The following ULK4 variants were observed in gnomAD, a reference collection of about 807,000 sequenced individuals.
ULK4 encodes unc-51 like kinase 4, also known as inactive serine/threonine-protein kinase ULK4.
ULK4 carries 133 observed loss-of-function variants against 160.6 expected under a neutral mutation model. The observed-to-expected ratio is 0.83, with a 90% CI of 0.72 to 0.96. The LOEUF is 0.96. Among genes scored for constraint, ULK4 ranks in the 40% least tolerant of loss-of-function variants. The probability of loss-of-function intolerance (pLI) is 0.00; values close to 1 mark genes in which losing one functional copy is unlikely to be tolerated. For missense variants in ULK4, 1,580 were observed against 1,499.5 expected, an observed-to-expected ratio of 1.05 and a Z score of -0.89; for synonymous variants, 534 against 539.8, an observed-to-expected ratio of 0.99 and a Z score of 0.15.
intron 18 of ULK4, among the ~76,000 whole-genome samples, chr3:41,829,184 A>G (rs1235398344): frequency 8.0e-5 from 12 of 150,238 alleles, no homozygotes; most frequent in Non-Finnish European, 1.3e-4. Context: ...ACCTAAAACC[A>G]TAAAAACCCT....
chr3:41,924,302 G>A (rs948186971), intron 5 of ULK4, among the ~76,000 whole-genome samples: 1 of 152,072 alleles, frequency 6.6e-6, no homozygotes, highest in African/African-American at 2.4e-5. Context: ...AACAGAAGTG[G>A]TTTTACACTC....
chr3:41,509,929 G>C (rs2085512366), intron 32 of ULK4, among the ~76,000 whole-genome samples: 1 of 152,008 alleles, frequency 6.6e-6, no homozygotes, highest in South Asian at 2.1e-4. Flanking sequence ...AAAGAAACAA[G>C]GCATTCAGGC....
intron 22 of ULK4, among the ~76,000 whole-genome samples, chr3:41,728,109 G>A (rs2093367713): frequency 6.6e-6 from 1 of 152,172 alleles, no homozygotes; most frequent in South Asian, 2.1e-4. Context: ...GTTGGTATGT[G>A]AGTGTGAGTT....
chr3:41,344,185 A>G lies in ULK4; in HGVS notation c.3678+53894T>C, dbSNP rs529797789. Among the ~76,000 whole-genome samples, 14 of 152,304 alleles carry G rather than the reference A, an allele frequency of 9.2e-5. No homozygotes were observed. In the South Asian group the frequency reaches 2.9e-3, roughly 32 times the overall value. ...AAAACAAGACCACACACCTACAACC[A>G]TTTGATCTTCGACAAACTTGACAAA... On this transcript the variant is annotated intron_variant, in intron 35 of 36. Transcript: ENST00000301831.
At chr3:41,915,183 C>A (rs1435818137) in intron 8 of ULK4, among the ~76,000 whole-genome samples, 1 of 152,018 alleles carries the variant, frequency 6.6e-6, no homozygotes, top group Non-Finnish European at 1.5e-5. Flanking sequence ...GAAAAATTAT[C>A]CACCAAAATA....
At position 41,959,004 on chromosome 3, in the gene ULK4, G is replaced by A. The variant is rs142038628; in HGVS notation, c.-49+3012C>T. 2.0e-4 allele frequency among the ~76,000 whole-genome samples: 30 copies of A among 152,278 alleles called. No individual in the cohort carries two copies. The East Asian group carries it at 4.4e-3, about 23-fold the overall frequency. ...GCAATTTGGGAGGCCAAGGCAGGTA[G>A]GTCACCTGAAGTCAGGAGTTCAAGA... On this transcript the variant is annotated intron_variant, in intron 1 of 36. Transcript: ENST00000301831.
intron 35 of ULK4, among the ~76,000 whole-genome samples, chr3:41,363,554 G>A (rs2081190381): frequency 6.6e-6 from 1 of 152,168 alleles, no homozygotes; most frequent in East Asian, 1.9e-4. Context: ...GTACATTCTA[G>A]TTCACCCAAC....
intron 13 of ULK4, among the ~76,000 whole-genome samples, 166 bp from the exon 14 acceptor site, chr3:41,898,658 C>T (rs1698250183): frequency 6.6e-6 from 1 of 152,142 alleles, no homozygotes; most frequent in South Asian, 2.1e-4. Context: ...TTAAAACACA[C>T]AAATATAGAT....
In ULK4 at chr3:41,705,090, C is replaced by G; in HGVS notation, c.2748G>C (p.Gln916His). 1 of 1,613,728 alleles carries G rather than the reference C, an allele frequency of 6.2e-7. No homozygotes were observed. The highest frequency in any genetic ancestry group is 8.5e-7 in the Non-Finnish European group (1 of 1,179,914). ...ITLSAFEAII[Q>H]YPILLKDYRS... ...GATAGTCTTTCAATAAAATAGGATA[C>G]TGTATTATTGCTTCAAAAGCTGACA... Residue 916 changes from glutamine (Q) to histidine (H), a missense_variant, in exon 27 of 37, where the codon CAG becomes CAC. By Grantham distance (24) the Gln-to-His change is conservative. Transcript: ENST00000301831.
At chr3:41,465,857 A>G (rs974133021) in intron 32 of ULK4, among the ~76,000 whole-genome samples, 2 of 152,188 alleles carry the variant, frequency 1.3e-5, no homozygotes, top group Non-Finnish European at 2.9e-5. Flanking sequence ...AGGAAAAGCA[A>G]GATAAATGTT....
chr3:41,495,486 C>T (rs568565072), intron 32 of ULK4, among the ~76,000 whole-genome samples: 147 of 151,682 alleles, frequency 9.7e-4, no homozygotes, highest in Non-Finnish European at 1.7e-3. Context: ...TAGAAGAAAA[C>T]CTAGGCAATA....
chr3:41,739,136 A>G (rs1050639413), intron 22 of ULK4, among the ~76,000 whole-genome samples: 1 of 152,000 alleles, frequency 6.6e-6, no homozygotes, highest in African/African-American at 2.4e-5. Flanking sequence ...TGGGTCACCA[A>G]GCCACTACGT....
chr3:41,673,671 T>C (rs2035610512), intron 29 of ULK4, among the ~76,000 whole-genome samples: 1 of 149,660 alleles, frequency 6.7e-6, no homozygotes, highest in African/African-American at 2.5e-5. Context: ...CACTCAAACC[T>C]AAATATATAT....
chr3:41,807,001 G>A (rs529511065), intron 19 of ULK4, among the ~76,000 whole-genome samples: 24 of 152,040 alleles, frequency 1.6e-4, no homozygotes, highest in East Asian at 9.7e-4. Flanking sequence ...CATGGTACAC[G>A]CCTATAGTCC....
chr3:41,530,240 T>C (rs1395105064), intron 32 of ULK4, among the ~76,000 whole-genome samples: 1 of 152,148 alleles, frequency 6.6e-6, no homozygotes, highest in Non-Finnish European at 1.5e-5. Flanking sequence ...CTTAAAAAAC[T>C]TAAAACTATG....
chr3:41,472,860 G>A (rs956271438), intron 32 of ULK4, among the ~76,000 whole-genome samples: 2 of 152,134 alleles, frequency 1.3e-5, no homozygotes, highest in Admixed American at 6.6e-5. Flanking sequence ...AAATACAGAT[G>A]TAAAAATACT....
chr3:41,513,697 A>C (rs1322660826), intron 32 of ULK4, among the ~76,000 whole-genome samples: 1 of 152,240 alleles, frequency 6.6e-6, no homozygotes, highest in Admixed American at 6.5e-5. Context: ...TATTATTCTA[A>C]GTAAAGTAAC....
chr3:41,335,288 G>T (rs2080531469), intron 35 of ULK4, among the ~76,000 whole-genome samples: 1 of 152,174 alleles, frequency 6.6e-6, no homozygotes, highest in South Asian at 2.1e-4. Flanking sequence ...CAGTAAAGAT[G>T]ATCTGCTCCT....
intron 34 of ULK4, among the ~76,000 whole-genome samples, chr3:41,446,281 A>C (rs974993076): frequency 5.9e-5 from 9 of 152,152 alleles, no homozygotes; most frequent in African/African-American, 1.4e-4. Context: ...GTTGGTGGGA[A>C]TGTAAACTAG....
Sources: gnomAD v4.1 joint callset for allele counts (sites outside exome capture counted in the v4.1 genomes callset) on GRCh38, gnomAD v4.1.1 for gene constraint, MANE v1.5 for transcripts, NCBI Gene and HGNC (gene_info 2026-07-23, HGNC 2026-07-21) for gene names.